The following SAMD5 variants were observed in gnomAD, a reference collection of about 807,000 sequenced individuals.
SAMD5 encodes sterile alpha motif domain containing 5, also known as sterile alpha motif domain-containing protein 5.
Under a neutral mutation model 11.3 loss-of-function variants are expected in SAMD5, and 13 were observed. The ratio of observed to expected loss-of-function variants is 1.15; its 90% CI spans 0.75 to 1.83. The LOEUF is 1.83. Among genes scored for constraint, SAMD5 ranks in the 40% most tolerant of loss-of-function variants. SAMD5 has a pLI of 0.00. For missense variants in SAMD5, 255 were observed against 239.1 expected (o/e 1.07, Z -0.44); for synonymous variants, 129 against 111.3 (o/e 1.16, Z -1.00).
chr6:147,570,732 A>G (rs1007901581), downstream of SAMD5, among the ~76,000 whole-genome samples: 2 of 152,056 alleles, frequency 1.3e-5, no homozygotes, highest in African/African-American at 4.8e-5. Context: ...TAAAGCAAAA[A>G]AAATATATGG....
At chr6:147,650,138 T>C (rs1790463468) in intron 1 of SAMD5, among the ~76,000 whole-genome samples, 1 of 152,210 alleles carries the variant, frequency 6.6e-6, no homozygotes, top group Non-Finnish European at 1.5e-5. Flanking sequence ...AAGTTATTCA[T>C]TTATTACGCA....
At chr6:147,662,602 C>A (rs903584593) in intron 1 of SAMD5, among the ~76,000 whole-genome samples, 1 of 152,186 alleles carries the variant, frequency 6.6e-6, no homozygotes, top group Non-Finnish European at 1.5e-5. Flanking sequence ...ATAGCCTTCA[C>A]CTTGTTGATG....
In SAMD5 at chr6:147,565,796, C is replaced by T. The variant is rs1243230684; in HGVS notation, c.*1340C>T. 5 of 985,232 alleles carry T rather than the reference C, an allele frequency of 5.1e-6. No homozygotes were observed. The highest frequency in any genetic ancestry group is 1.7e-5 in the African/African-American group (1 of 57,218). The allele number at this position is 985,232 out of a possible 1,614,324, so 61.0% of individuals were successfully genotyped here. A position where few individuals can be genotyped will look rare whatever the true frequency, so the allele number is the denominator to read the frequency against. ...AGTTTTATTTTCTGCTTAGAAAACG[C>T]AACCATGTTGATGGGACCAAAAACT... On this transcript the variant is annotated 3_prime_UTR_variant, in exon 2 of 2. Transcript: ENST00000367474.
At chr6:147,769,810 T>A in the SAMD5 span, among the ~76,000 whole-genome samples, 1 of 152,192 alleles carries the variant, frequency 6.6e-6, no homozygotes, top group Non-Finnish European at 1.5e-5. Flanking sequence ...GTTTTCTTGG[T>A]CTGTCTCAAG....
chr6:147,777,442 A>G, the SAMD5 span, among the ~76,000 whole-genome samples: 1 of 151,462 alleles, frequency 6.6e-6, no homozygotes, highest in Non-Finnish European at 1.5e-5. Context: ...CTTGGCCTCC[A>G]CTCTCTCCTG....
intron 1 of SAMD5, among the ~76,000 whole-genome samples, chr6:147,606,960 A>AT (rs1402448860): frequency 1.3e-3 from 117 of 87,042 alleles, no homozygotes; most frequent in Middle Eastern, 5.6e-3. Context: ...TAGCAGCTTT[A>AT]TCCAAAAAAA....
At chr6:147,581,544 G>A (rs778609329) in intron 1 of SAMD5, among the ~76,000 whole-genome samples, 2 of 152,064 alleles carry the variant, frequency 1.3e-5, no homozygotes, top group African/African-American at 2.4e-5. Flanking sequence ...AACCAAGTAG[G>A]AGGGCAAAAA....
chr6:147,941,171 A>G, the SAMD5 span, among the ~76,000 whole-genome samples: 2 of 152,202 alleles, frequency 1.3e-5, no homozygotes, highest in Non-Finnish European at 2.9e-5. Flanking sequence ...AATACACAAT[A>G]TTAGAGGCAA....
rs1055129081 is a variant in SAMD5 at position 147,566,758 on chromosome 6, A to C, written c.*2302A>C. 1 of 985,066 alleles carries C rather than the reference A, an allele frequency of 1.0e-6. No homozygotes were observed. Among genetic ancestry groups the C allele is most frequent in the Admixed American group, 6.1e-5 (1 of 16,268 alleles). 61.0% of individuals were successfully genotyped at this position (985,066 alleles called of 1,614,324 possible). On this transcript the variant is annotated 3_prime_UTR_variant, in exon 2 of 2. Transcript: ENST00000367474. ...ACATCTTAGTTAAAGCTAGAGGAAGAAAACTTCAAATAAGCAAAGAAGTAT... is the reference window on the plus strand; with the variant it reads ...ACATCTTAGTTAAAGCTAGAGGAAGCAAACTTCAAATAAGCAAAGAAGTAT...
intron 1 of SAMD5, among the ~76,000 whole-genome samples, chr6:147,650,999 A>C (rs1347313161): frequency 6.6e-6 from 1 of 152,168 alleles, no homozygotes; most frequent in Non-Finnish European, 1.5e-5. Context: ...AAGGTTATTG[A>C]ATTTGTGATA....
chr6:147,631,895 A>C (rs988370668), intron 1 of SAMD5, among the ~76,000 whole-genome samples: 19 of 152,198 alleles, frequency 1.2e-4, no homozygotes, highest in Admixed American at 1.2e-3. Flanking sequence ...GAAAGGAAAT[A>C]AGAGGTTCTA....
intron 1 of SAMD5, among the ~76,000 whole-genome samples, chr6:147,587,098 G>A (rs560347602): frequency 5.3e-5 from 8 of 152,182 alleles, no homozygotes; most frequent in African/African-American, 1.9e-4. Flanking sequence ...GTGTTTACTT[G>A]TTTAATTCAT....
chr6:147,948,455 T>A, the SAMD5 span, among the ~76,000 whole-genome samples: 1 of 152,170 alleles, frequency 6.6e-6, no homozygotes, highest in East Asian at 1.9e-4. Context: ...CATTTCCCTG[T>A]GTGTAATATC....
At position 147,568,587 on chromosome 6, in the gene SAMD5, T is replaced by G. The variant is rs1406324318; in HGVS notation, c.*4131T>G. 4.2e-5 allele frequency: 41 copies of G among 985,286 alleles called. No homozygotes were observed. Among genetic ancestry groups the G allele is most frequent in the Non-Finnish European group, 4.8e-5 (40 of 829,924 alleles). 61.0% of individuals were successfully genotyped at this position (985,286 alleles called of 1,614,324 possible). A position where few individuals can be genotyped will look rare whatever the true frequency, so the allele number is the denominator to read the frequency against. ...ACCAAGTACAAAGTATTAGGAATTT[T>G]TTATATCAGCTGACATCTTGTGCTT... On this transcript the variant is annotated 3_prime_UTR_variant, in exon 2 of 2. Coordinates refer to ENST00000367474, the MANE Select transcript of SAMD5 (RefSeq NM_001030060.3).
At chr6:147,604,260 GTTATTC>G (rs1231081507) in intron 1 of SAMD5, among the ~76,000 whole-genome samples, 1 of 150,956 alleles carries the variant, frequency 6.6e-6, no homozygotes, top group Non-Finnish European at 1.5e-5. Context: ...TATGACTTGA[GTTATTC>G]TTAGATCAGT....
chr6:147,509,374 C>G lies in SAMD5; in HGVS notation c.446C>G (p.Pro149Arg), dbSNP rs761242037. 1.1e-5 allele frequency: 17 copies of G among 1,556,700 alleles called. No individual in the cohort carries two copies. The highest frequency in any genetic ancestry group is 1.4e-5 in the Non-Finnish European group (16 of 1,152,850). The part of the protein sequence containing the change: ...VRDGIHLSKP[P>R]YSRKVPMAGI... ...GACGGCATCCACCTGAGCAAGCCCC[C>G]GTACTCCCGCAAGGTAAGGAGGTGC... is the stretch of plus-strand genomic sequence containing the variant. Residue 149 changes from proline to arginine, a missense_variant, in exon 1 of 2, where the codon CCG (proline) becomes CGG (arginine). Transcript: ENST00000367474.
chr6:147,848,802 TTAAC>T, the SAMD5 span, among the ~76,000 whole-genome samples: 1 of 152,222 alleles, frequency 6.6e-6, no homozygotes, highest in East Asian at 1.9e-4. Flanking sequence ...CCACAGCACT[TTAAC>T]TTGTCCTGGC....
intron 1 of SAMD5, among the ~76,000 whole-genome samples, chr6:147,598,082 ATTCTTTTTTCTT>A (rs1208204821): frequency 6.6e-6 from 1 of 151,212 alleles, no homozygotes; most frequent in Non-Finnish European, 1.5e-5. Flanking sequence ...GTTGCCAGGT[ATTCTTTTTTCTT>A]TTCTTTTTTT....
chr6:147,915,800 G>T, the SAMD5 span, among the ~76,000 whole-genome samples: 2,198 of 152,216 alleles, frequency 0.014, 59 homozygotes, highest in African/African-American at 0.051. Flanking sequence ...TGTGCACAAT[G>T]TGCAGGTTTG....
Sources: gnomAD v4.1 joint callset for allele counts (sites outside exome capture counted in the v4.1 genomes callset) on GRCh38, gnomAD v4.1.1 for gene constraint, MANE v1.5 for transcripts, NCBI Gene and HGNC (gene_info 2026-07-23, HGNC 2026-07-21) for gene names.